Variants in RIMS2 observed in about 807,000 individuals in gnomAD.
RIMS2 encodes the protein regulating synaptic membrane exocytosis protein 2.
In RIMS2, 59 loss-of-function variants were observed where a neutral mutation model predicts 174.4. The ratio of observed to expected loss-of-function variants is 0.34; its 90% CI spans 0.27 to 0.42. RIMS2 has a LOEUF of 0.42. RIMS2 is among the 10% of genes least tolerant of loss of function. RIMS2 has a pLI of 1.00. For synonymous variants in RIMS2, 606 were observed against 572.5 expected, an observed-to-expected ratio of 1.06 and a Z score of -0.84; for missense variants, 1,620 against 1,666.3, an observed-to-expected ratio of 0.97 and a Z score of 0.48.
chr8:103,619,874 A>C (rs1027110789), intron 1 of RIMS2, among the ~76,000 whole-genome samples: 17 of 152,212 alleles, frequency 1.1e-4, no homozygotes, highest in Non-Finnish European at 2.2e-4. Context: ...ATGTATGTAC[A>C]TAGCTGGAAA....
At chr8:103,904,033 A>T (rs1469582428) in intron 4 of RIMS2, among the ~76,000 whole-genome samples, 1 of 152,054 alleles carries the variant, frequency 6.6e-6, no homozygotes, top group South Asian at 2.1e-4. Context: ...CACTTCTATA[A>T]AGATGAAGAA....
intron 19 of RIMS2, among the ~76,000 whole-genome samples, chr8:104,113,412 A>G (rs1213869529): frequency 6.6e-6 from 1 of 152,106 alleles, no homozygotes; most frequent in African/African-American, 2.4e-5. Flanking sequence ...ATTTTTCCCA[A>G]TTGGGCCAAA....
intron 1 of RIMS2, among the ~76,000 whole-genome samples, chr8:103,628,287 A>T (rs530362908): frequency 3.7e-4 from 57 of 152,086 alleles, no homozygotes; most frequent in Non-Finnish European, 6.2e-4. Context: ...CAAGAGAAAG[A>T]AAATAAAGTG....
chr8:103,936,269 G>C (rs1014522703), intron 12 of RIMS2, among the ~76,000 whole-genome samples: 2 of 151,930 alleles, frequency 1.3e-5, no homozygotes, highest in African/African-American at 4.8e-5. Context: ...CTCAAGTCTG[G>C]TTTTATTTAG....
chr8:103,952,914 C>T (rs539051251), intron 14 of RIMS2, among the ~76,000 whole-genome samples: 4 of 152,246 alleles, frequency 2.6e-5, no homozygotes, highest in East Asian at 3.9e-4. Context: ...TAGAGAAGAA[C>T]ATAAATGACC....
chr8:103,658,017 C>T (rs941680374), intron 1 of RIMS2, among the ~76,000 whole-genome samples: 3 of 152,114 alleles, frequency 2.0e-5, no homozygotes, highest in East Asian at 1.9e-4. Context: ...TTCACAACTC[C>T]GATACCGTAG....
At chr8:103,640,923 A>G (rs1028537199) in intron 1 of RIMS2, among the ~76,000 whole-genome samples, 3 of 152,070 alleles carry the variant, frequency 2.0e-5, no homozygotes, top group Admixed American at 6.6e-5. Context: ...TGCCAACTGT[A>G]TATGTCAATT....
chr8:103,681,398 A>C (rs2096878747), intron 1 of RIMS2, among the ~76,000 whole-genome samples: 1 of 152,136 alleles, frequency 6.6e-6, no homozygotes, highest in Admixed American at 6.6e-5. Context: ...TAAATGTACA[A>C]GACTGGTTTC....
intron 3 of RIMS2, among the ~76,000 whole-genome samples, chr8:103,867,026 A>G (rs925459760): frequency 2.0e-5 from 3 of 151,962 alleles, no homozygotes; most frequent in Non-Finnish European, 4.4e-5. Flanking sequence ...ATTATTACAT[A>G]CACATTTTTA....
intron 2 of RIMS2, among the ~76,000 whole-genome samples, chr8:103,742,521 A>G (rs1290337376): frequency 6.6e-6 from 1 of 152,142 alleles, no homozygotes; most frequent in Non-Finnish European, 1.5e-5. Context: ...CAGACTTACC[A>G]GGCAACATCC....
At chr8:103,908,252 A>G (rs2074929242) in intron 4 of RIMS2, among the ~76,000 whole-genome samples, 1 of 152,056 alleles carries the variant, frequency 6.6e-6, no homozygotes, top group Non-Finnish European at 1.5e-5. Flanking sequence ...CATGTTGGCC[A>G]GGATGATCTC....
chr8:104,040,370 G>A (rs540404609), intron 19 of RIMS2, among the ~76,000 whole-genome samples: 36 of 151,672 alleles, frequency 2.4e-4, no homozygotes, highest in Admixed American at 2.0e-4. Flanking sequence ...AATCATACTA[G>A]TACACTAATA....
At chr8:103,515,715 T>C (rs1462333704) in intron 1 of RIMS2, among the ~76,000 whole-genome samples, 1 of 152,124 alleles carries the variant, frequency 6.6e-6, no homozygotes, top group African/African-American at 2.4e-5. Context: ...CAGAATGAAC[T>C]CTGATTATAG....
chr8:103,763,909 A>T (rs1011451516), intron 2 of RIMS2, among the ~76,000 whole-genome samples: 2 of 152,174 alleles, frequency 1.3e-5, no homozygotes, highest in African/African-American at 4.8e-5. Context: ...GCATACTTGT[A>T]ACCCATTTAA....
chr8:103,707,342 G>A (rs191236991), intron 2 of RIMS2, among the ~76,000 whole-genome samples: 1 of 152,304 alleles, frequency 6.6e-6, no homozygotes, highest in East Asian at 1.9e-4. Context: ...TATGTTTGTT[G>A]ATGCCTAGGC....
chr8:103,639,000 T>A (rs1564119580), intron 1 of RIMS2, among the ~76,000 whole-genome samples: 1 of 152,050 alleles, frequency 6.6e-6, no homozygotes, highest in Non-Finnish European at 1.5e-5. Flanking sequence ...GCAGGGTTCA[T>A]TCTAGCCTCC....
intron 19 of RIMS2, among the ~76,000 whole-genome samples, chr8:104,045,569 C>T (rs1376293895): frequency 6.6e-6 from 1 of 151,792 alleles, no homozygotes; most frequent in East Asian, 1.9e-4. Context: ...TGATTTAGAG[C>T]ATCTGACAAG....
At chr8:104,015,307 G>A (rs1014870033) in intron 19 of RIMS2, 2 of 511,074 alleles carry the variant, frequency 3.9e-6, no homozygotes, top group Admixed American at 3.7e-5. Flanking sequence ...CTTTTCTCTA[G>A]TAGATAATAC....
At chr8:103,709,699 G>A (rs1401673729) in intron 2 of RIMS2, among the ~76,000 whole-genome samples, 2 of 151,518 alleles carry the variant, frequency 1.3e-5, no homozygotes. Context: ...CCATTCCCTT[G>A]AGTATTTTTC....
Sources: allele counts gnomAD v4.1 joint callset (sites outside exome capture counted in the v4.1 genomes callset), GRCh38; gene constraint gnomAD v4.1.1; transcripts MANE v1.5; gene names NCBI Gene and HGNC (gene_info 2026-07-23, HGNC 2026-07-21).